Variants in STPG2 observed in about 807,000 individuals in gnomAD.
STPG2 encodes sperm-tail PG-rich repeat-containing protein 2.
STPG2 carries 56 observed loss-of-function variants against 54.2 expected under a neutral mutation model. The observed-to-expected ratio is 1.03, with a 90% confidence interval of 0.83 to 1.29. The LOEUF (loss-of-function observed/expected upper bound fraction) is 1.29. Among genes scored for constraint, STPG2 ranks in the 50% most tolerant of loss-of-function variants. STPG2 has a pLI of 0.00. For synonymous variants in STPG2, 200 were observed against 181.8 expected (o/e 1.10, Z -0.81); for missense variants, 596 against 544.9 (o/e 1.09, Z -0.93).
intron 9 of STPG2, among the ~76,000 whole-genome samples, chr4:97,740,916 A>C (rs1725205161): frequency 6.6e-6 from 1 of 152,128 alleles, no homozygotes; most frequent in Non-Finnish European, 1.5e-5. Flanking sequence ...GTCAATCTTA[A>C]GGCAAAAGAA....
At chr4:97,516,689 G>A (rs749860750) in intron 4 of STPG2, among the ~76,000 whole-genome samples, 13 of 151,614 alleles carry the variant, frequency 8.6e-5, no homozygotes, top group African/African-American at 2.2e-4. Context: ...TTAACCAGGC[G>A]TGGTGGCACA....
At chr4:97,592,020 C>T (rs4608816) in intron 10 of STPG2, among the ~76,000 whole-genome samples, 123,288 of 152,070 alleles carry the variant, frequency 0.81, 50,087 homozygotes, top group Middle Eastern at 0.88. Context: ...GTGAATTGTA[C>T]AAAAAGGAAA....
chr4:97,760,306 T>G (rs2149052922), intron 9 of STPG2, among the ~76,000 whole-genome samples: 1 of 152,292 alleles, frequency 6.6e-6, no homozygotes, highest in South Asian at 2.1e-4. Context: ...TCCCAGAATC[T>G]AGCTCTAGGT....
chr4:97,534,502 C>T (rs550928600), intron 4 of STPG2, among the ~76,000 whole-genome samples: 1 of 152,214 alleles, frequency 6.6e-6, no homozygotes, highest in South Asian at 2.1e-4. Flanking sequence ...GATATATATT[C>T]AGTATCTCCA....
chr4:97,551,658 C>T (rs79586351), intron 4 of STPG2, among the ~76,000 whole-genome samples: 4,818 of 152,274 alleles, frequency 0.032, 154 homozygotes, highest in African/African-American at 0.087. Flanking sequence ...TTCTAGTCTC[C>T]GCTTTCTAAT....
intron 10 of STPG2, among the ~76,000 whole-genome samples, chr4:97,640,468 A>G (rs1347554257): frequency 6.6e-6 from 1 of 151,980 alleles, no homozygotes; most frequent in Non-Finnish European, 1.5e-5. Context: ...ATAAATATTT[A>G]AAATGAGTCA....
intron 4 of STPG2, among the ~76,000 whole-genome samples, chr4:97,454,462 G>C (rs1359480462): frequency 7.3e-6 from 1 of 136,226 alleles, no homozygotes; most frequent in African/African-American, 2.6e-5. Flanking sequence ...GCAGTGAGCC[G>C]AGATTGCGCC....
chr4:97,728,860 C>A (rs184589558), intron 9 of STPG2, among the ~76,000 whole-genome samples: 239 of 151,686 alleles, frequency 1.6e-3, no homozygotes, highest in African/African-American at 5.6e-3. Flanking sequence ...CTCCAGAAAT[C>A]TTTTTATCAA....
chr4:97,899,443 G>T (rs1315314433), intron 8 of STPG2, among the ~76,000 whole-genome samples: 1 of 151,788 alleles, frequency 6.6e-6, no homozygotes. Flanking sequence ...AACTACCAAT[G>T]ATTTTCTTCA....
intron 10 of STPG2, among the ~76,000 whole-genome samples, chr4:97,597,578 T>C (rs1733331972): frequency 6.6e-6 from 1 of 152,036 alleles, no homozygotes; most frequent in Non-Finnish European, 1.5e-5. Flanking sequence ...GTTGTTTCAA[T>C]ATATGCAAAT....
intron 8 of STPG2, among the ~76,000 whole-genome samples, chr4:97,860,467 GTTTTATTTTATTTTATTTTA>G (rs56308311): frequency 1.6e-3 from 221 of 138,752 alleles, no homozygotes; most frequent in African/African-American, 4.9e-3. Flanking sequence ...ATATTCCTAA[GTTTTATTTTATTTTATTTTA>G]TTTTATTTTA....
At position 97,891,898 on chromosome 4, in the gene STPG2, C is replaced by A. The variant is rs896753535; in HGVS notation, c.1045-50966G>T. Among the ~76,000 whole-genome samples, 23 of 152,102 alleles carry A rather than the reference C, an allele frequency of 1.5e-4. 1 individual carries two copies. The highest frequency in any genetic ancestry group is 1.2e-3 in the Admixed American group (19 of 15,252). ...TGCTTAAACTCCATGAAGTCAGAAACCATTATGTCTACCTTTTTCAGTAAA... is the reference window on the plus strand; with the variant it reads ...TGCTTAAACTCCATGAAGTCAGAAAACATTATGTCTACCTTTTTCAGTAAA... On this transcript the variant is annotated intron_variant, in intron 8 of 10. Transcript: ENST00000295268.
intron 9 of STPG2, among the ~76,000 whole-genome samples, chr4:97,741,049 A>G (rs1414887699): frequency 6.6e-6 from 1 of 152,186 alleles, no homozygotes; most frequent in Non-Finnish European, 1.5e-5. Flanking sequence ...AGCCCTCAGA[A>G]AAAACACCGC....
At chr4:98,040,094 A>C (rs941624109) in intron 5 of STPG2, among the ~76,000 whole-genome samples, 4 of 151,730 alleles carry the variant, frequency 2.6e-5, no homozygotes, top group Non-Finnish European at 5.9e-5. Context: ...ACATTTTTTC[A>C]TATCTTTGTT....
chr4:98,065,588 T>G (rs555972747), intron 5 of STPG2, among the ~76,000 whole-genome samples: 2 of 152,270 alleles, frequency 1.3e-5, no homozygotes, highest in East Asian at 3.9e-4. Flanking sequence ...TATTCAAAAT[T>G]GACTTCTGTT....
intron 10 of STPG2, among the ~76,000 whole-genome samples, chr4:97,635,824 C>A (rs1002027337): frequency 2.6e-5 from 4 of 151,786 alleles, no homozygotes; most frequent in African/African-American, 9.7e-5. Flanking sequence ...AATACAGGAG[C>A]ACCCAGATTC....
At chr4:97,722,508 G>C (rs1053643633) in intron 9 of STPG2, among the ~76,000 whole-genome samples, 1 of 151,882 alleles carries the variant, frequency 6.6e-6, no homozygotes, top group African/African-American at 2.4e-5. Context: ...TTTATTTTGT[G>C]TCTGTTAGAA....
intron 10 of STPG2, among the ~76,000 whole-genome samples, chr4:97,599,854 G>GA (rs1186663681): frequency 2.8e-5 from 4 of 143,632 alleles, no homozygotes; most frequent in Non-Finnish European, 4.4e-5. Flanking sequence ...AAAAGAAAAG[G>GA]AAAAAAAAGA....
At chr4:97,536,932 C>T (rs943259782) in intron 4 of STPG2, among the ~76,000 whole-genome samples, 23 of 152,196 alleles carry the variant, frequency 1.5e-4, no homozygotes, top group Non-Finnish European at 3.1e-4. Context: ...GTGTTTCATA[C>T]ATAATCATCG....
Sources: allele counts gnomAD v4.1 joint callset (sites outside exome capture counted in the v4.1 genomes callset), GRCh38; gene constraint gnomAD v4.1.1; transcripts MANE v1.5; gene names NCBI Gene and HGNC (gene_info 2026-07-23, HGNC 2026-07-21).